Variants in ARL15 observed in about 807,000 individuals in gnomAD.
The protein encoded by ARL15 is ARF like GTPase 15.
ARL15 carries 19 observed loss-of-function variants against 25.2 expected under a neutral mutation model. The ratio of observed to expected loss-of-function variants is 0.75; its 90% confidence interval spans 0.53 to 1.10. The LOEUF (loss-of-function observed/expected upper bound fraction) is 1.10, where lower values mean the gene tolerates loss of function less well. ARL15 is among the 50% of genes least tolerant of loss of function. The pLI, the probability that ARL15 is intolerant of heterozygous loss-of-function variation, is 0.00. For missense variants in ARL15, 220 were observed against 246.0 expected (o/e 0.89, Z 0.71); for synonymous variants, 94 against 86.8 (o/e 1.08, Z -0.46).
intron 1 of ARL15, among the ~76,000 whole-genome samples, chr5:54,197,987 C>T (rs1029704083): frequency 6.6e-6 from 1 of 151,708 alleles, no homozygotes; most frequent in Non-Finnish European, 1.5e-5. Context: ...AAGGCTGGTT[C>T]AATATACGCA....
At chr5:54,240,879 T>C (rs774825986) in intron 1 of ARL15, among the ~76,000 whole-genome samples, 32 of 152,176 alleles carry the variant, frequency 2.1e-4, no homozygotes, top group Non-Finnish European at 4.4e-4. Context: ...ATTTTTGAAT[T>C]GGGGATGCTC....
At chr5:53,890,767 A>G (rs576966618) in intron 4 of ARL15, among the ~76,000 whole-genome samples, 3 of 152,268 alleles carry the variant, frequency 2.0e-5, no homozygotes, top group Middle Eastern at 3.4e-3. Context: ...TCCATTATTC[A>G]CACATCGCGT....
At chr5:53,935,295 A>G (rs1746317736) in intron 4 of ARL15, among the ~76,000 whole-genome samples, 1 of 152,316 alleles carries the variant, frequency 6.6e-6, no homozygotes, top group Non-Finnish European at 1.5e-5. Flanking sequence ...CTCATCCAGG[A>G]GCAGTAGCTG....
At chr5:54,246,683 C>A (rs61642152) in intron 1 of ARL15, among the ~76,000 whole-genome samples, 2,523 of 152,082 alleles carry the variant, frequency 0.017, 64 homozygotes, top group African/African-American at 0.058. Context: ...TCTATTCCTG[C>A]GACCATCACC....
intron 4 of ARL15, among the ~76,000 whole-genome samples, chr5:54,019,939 TCACATCTGAAAAGCAAATTAGCAGTTC>T (rs1749543069): frequency 6.6e-6 from 1 of 152,192 alleles, no homozygotes; most frequent in African/African-American, 2.4e-5. Context: ...TCTCTTCTTC[TCACATCTGAAAAGCAAATTAGCAGTTC>T]TCAAATGTGA....
intron 1 of ARL15, among the ~76,000 whole-genome samples, chr5:54,208,238 C>T (rs148219761): frequency 5.7e-4 from 87 of 152,272 alleles, no homozygotes; most frequent in Non-Finnish European, 2.8e-4. Flanking sequence ...TCTGAATTAG[C>T]TTCAAATGCC....
chr5:53,931,873 G>C (rs1746204187), intron 4 of ARL15, among the ~76,000 whole-genome samples: 1 of 152,108 alleles, frequency 6.6e-6, no homozygotes, highest in Non-Finnish European at 1.5e-5. Flanking sequence ...AAGCCTGTAG[G>C]CTAGAGGTTT....
intron 4 of ARL15, among the ~76,000 whole-genome samples, chr5:54,063,236 T>C (rs538341605): frequency 2.0e-5 from 3 of 152,340 alleles, no homozygotes; most frequent in South Asian, 4.1e-4. Context: ...TGACAGACTA[T>C]GGGCTGGTGA....
intron 4 of ARL15, among the ~76,000 whole-genome samples, chr5:53,927,424 C>T (rs757114016): frequency 4.6e-5 from 7 of 152,168 alleles, no homozygotes; most frequent in Admixed American, 1.3e-4. Context: ...AGCTCTCATT[C>T]GTAAGTGGTT....
At chr5:54,112,835 A>C (rs139368648) in intron 4 of ARL15, among the ~76,000 whole-genome samples, 1 of 152,316 alleles carries the variant, frequency 6.6e-6, no homozygotes, top group Admixed American at 6.5e-5. Context: ...GAAGGCGAGT[A>C]ATGCATGGAA....
chr5:54,280,539 C>T (rs1319922978), intron 1 of ARL15, among the ~76,000 whole-genome samples: 4 of 152,184 alleles, frequency 2.6e-5, no homozygotes, highest in Non-Finnish European at 4.4e-5. Context: ...AAGTACCAGA[C>T]GTTGTGCAAG....
At chr5:53,959,101 T>G (rs1396902465) in intron 4 of ARL15, among the ~76,000 whole-genome samples, 2 of 152,174 alleles carry the variant, frequency 1.3e-5, no homozygotes, top group Non-Finnish European at 2.9e-5. Flanking sequence ...AGTAACAGAA[T>G]ACACCTTCTT....
chr5:54,285,893 C>T (rs980947337), intron 1 of ARL15, among the ~76,000 whole-genome samples: 6 of 152,132 alleles, frequency 3.9e-5, no homozygotes, highest in Non-Finnish European at 7.3e-5. Context: ...TACATGGGAA[C>T]GCTAAAGTGC....
chr5:54,100,175 T>C (rs1752397245), intron 4 of ARL15, among the ~76,000 whole-genome samples: 1 of 152,110 alleles, frequency 6.6e-6, no homozygotes, highest in Admixed American at 6.6e-5. Flanking sequence ...GCATCACATA[T>C]AAATTTTTAT....
intron 2 of ARL15, among the ~76,000 whole-genome samples, chr5:54,167,791 T>C (rs1398902830): frequency 6.6e-6 from 1 of 152,112 alleles, no homozygotes; most frequent in Non-Finnish European, 1.5e-5. Flanking sequence ...TTCCAAAGAG[T>C]TAAGGAGTGA....
At chr5:54,062,407 C>T (rs1003433019) in intron 4 of ARL15, among the ~76,000 whole-genome samples, 3 of 151,746 alleles carry the variant, frequency 2.0e-5, no homozygotes, top group Non-Finnish European at 4.4e-5. Flanking sequence ...ATGTTGAATT[C>T]CCATGTGTTG....
Position 54,171,889 on chromosome 5 carries a change from G to T in ARL15, c.88C>A (p.Arg30=), listed in dbSNP as rs747993020. The stretch of plus-strand genomic sequence containing the variant: ...ATGCAAACCAGGTCATATTCTGGTC[G>T]TGCAGGTGGTGGTCCCTTGCAGCAA... ...ALCCKGPPPA[R]PEYDLVCIGL... Residue 30 remains arginine (R), a synonymous_variant, in exon 2 of 5, where the codon CGA becomes AGA. Coordinates refer to ENST00000504924, the MANE Select transcript of ARL15 (RefSeq NM_019087.3). 2.5e-6 allele frequency: 4 copies of T among 1,613,468 alleles called. No individual in the cohort carries two copies. Among genetic ancestry groups the T allele is most frequent in the Non-Finnish European group, 3.4e-6 (4 of 1,179,570 alleles).
chr5:54,185,029 G>C (rs1755197329), intron 1 of ARL15, among the ~76,000 whole-genome samples: 1 of 152,162 alleles, frequency 6.6e-6, no homozygotes, highest in African/African-American at 2.4e-5. Context: ...GGAGCTTTAT[G>C]ATCTGACCTT....
At chr5:54,110,318 A>G (rs1180069722) in intron 4 of ARL15, among the ~76,000 whole-genome samples, 2 of 152,010 alleles carry the variant, frequency 1.3e-5, no homozygotes, top group Admixed American at 1.3e-4. Context: ...TCTAAAGTCA[A>G]CAGTATCCAG....
Sources: gnomAD v4.1 joint callset for allele counts (sites outside exome capture counted in the v4.1 genomes callset) on GRCh38, gnomAD v4.1.1 for gene constraint, MANE v1.5 for transcripts, NCBI Gene and HGNC (gene_info 2026-07-23, HGNC 2026-07-21) for gene names.